FBP2: variants seen among roughly 807,000 people sequenced by gnomAD.
The protein encoded by FBP2 is fructose-1,6-bisphosphatase isozyme 2.
A neutral mutation model predicts 31.6 loss-of-function variants in FBP2; 27 were observed. The ratio of observed to expected loss-of-function variants is 0.85; its 90% CI spans 0.63 to 1.18. The LOEUF (loss-of-function observed/expected upper bound fraction) is 1.18. FBP2 is among the 50% of genes most tolerant of loss of function. The pLI is 0.00. For missense variants in FBP2, 421 were observed against 436.1 expected (o/e 0.97, Z 0.31); for synonymous variants, 168 against 179.8 (o/e 0.93, Z 0.53).
intron 1 of FBP2, among the ~76,000 whole-genome samples, chr9:94,590,438 G>T (rs1159039163): frequency 2.0e-5 from 2 of 100,794 alleles, no homozygotes; most frequent in African/African-American, 8.6e-5. Flanking sequence ...GGAGCCAGGG[G>T]CTTGCGGTCC....
At chr9:94,562,665 C>G (rs1242940326) in intron 6 of FBP2, among the ~76,000 whole-genome samples, 1 of 152,098 alleles carries the variant, frequency 6.6e-6, no homozygotes, top group Non-Finnish European at 1.5e-5. Flanking sequence ...GACTACTTAC[C>G]TACGATTTCT....
intron 4 of FBP2, 57 bp from the exon 5 acceptor site, chr9:94,567,464 C>A: frequency 1.9e-6 from 3 of 1,598,014 alleles, no homozygotes. Context: ...ACAAGCCAAC[C>A]GCACAATCCC....
chr9:94,590,314 C>T (rs946389723), intron 1 of FBP2, among the ~76,000 whole-genome samples: 3 of 152,206 alleles, frequency 2.0e-5, no homozygotes, highest in African/African-American at 7.2e-5. Context: ...TCCAGGCGGG[C>T]ACTCCAGCCT....
intron 1 of FBP2, among the ~76,000 whole-genome samples, chr9:94,591,441 C>CGAGTGCG (rs1554748875): frequency 6.6e-6 from 1 of 152,212 alleles, no homozygotes; most frequent in Non-Finnish European, 1.5e-5. Context: ...GCTCGGAGTG[C>CGAGTGCG]GGGCCCGCCA....
chr9:94,587,283 G>A lies in FBP2; in HGVS notation c.333+24C>T, dbSNP rs199619147. 3.8e-6 allele frequency: 6 copies of A among 1,585,958 alleles called. No homozygotes were observed. The East Asian group carries it at 6.8e-5, about 18-fold the overall frequency. On this transcript the variant is annotated intron_variant, in intron 2 of 6. Transcript: ENST00000375337. ...TCAGTATCATCATCTACTGGCGAGC[G>A]GGCACCGCAGCCCCATGACGCACCC...
intron 1 of FBP2, among the ~76,000 whole-genome samples, chr9:94,590,307 A>G (rs112186555): frequency 0.062 from 9,496 of 152,286 alleles, 991 homozygotes; most frequent in African/African-American, 0.22. Context: ...GAGAGGCTCC[A>G]GGCGGGCACT....
At chr9:94,579,015 T>C (rs1406462487) in intron 3 of FBP2, among the ~76,000 whole-genome samples, 8 of 98,684 alleles carry the variant, frequency 8.1e-5, no homozygotes, top group East Asian at 3.6e-4. Context: ...CTTGCACCAC[T>C]GCACTCCAGC....
rs902829649 is a variant in FBP2 at position 94,586,024 on chromosome 9, G to A, written c.333+1283C>T. On this transcript the variant is annotated intron_variant, in intron 2 of 6. Transcript: ENST00000375337. ...ACCGGGATTGCAGGCGTGAGCCACC[G>A]CGCCCATCCTAGAAAGAAGAATTTT... is the stretch of plus-strand genomic sequence containing the variant. Among the ~76,000 whole-genome samples, 15 of 152,152 alleles carry A rather than the reference G, an allele frequency of 9.9e-5. 1 individual carries two copies. Among genetic ancestry groups the A allele is most frequent in the South Asian group, 4.2e-4 (2 of 4,818 alleles).
intron 6 of FBP2, among the ~76,000 whole-genome samples, chr9:94,561,226 G>A (rs1827094151): frequency 6.6e-6 from 1 of 152,080 alleles, no homozygotes. Context: ...AGTACCTAAT[G>A]CGCTTGTCTT....
rs866290314 is a variant in FBP2 at position 94,582,386 on chromosome 9, G to A, written c.426+2191C>T. Among the ~76,000 whole-genome samples, 83 of 129,030 alleles carry A rather than the reference G, an allele frequency of 6.4e-4. 1 individual carries two copies. In the Middle Eastern group the frequency reaches 0.016, roughly 25 times the overall value. The allele number at this position is 129,030 out of a possible 152,430, so 84.6% of individuals were successfully genotyped here. ...TGTGTGTGTGTGTGTGTGTGTGTGT[G>A]TATAGTTTGTTTGTTTTGAGAGGGA... On this transcript the variant is annotated intron_variant, in intron 3 of 6. Coordinates refer to ENST00000375337, the MANE Select transcript of FBP2 (RefSeq NM_003837.4).
chr9:94,569,163 T>C (rs1206229045), intron 4 of FBP2: 1 of 152,234 alleles, frequency 6.6e-6, no homozygotes, highest in Non-Finnish European at 1.5e-5. Flanking sequence ...TCTGGGCCTC[T>C]TGTAGGCCAA....
intron 1 of FBP2, among the ~76,000 whole-genome samples, chr9:94,590,707 C>A (rs1366249921): frequency 1.3e-5 from 2 of 152,202 alleles, no homozygotes; most frequent in African/African-American, 4.8e-5. Context: ...AAAGCCTCCA[C>A]AGTGTGGAAA....
chr9:94,589,839 C>T (rs1165069319), intron 1 of FBP2, among the ~76,000 whole-genome samples: 1 of 151,756 alleles, frequency 6.6e-6, no homozygotes, highest in African/African-American at 2.4e-5. Flanking sequence ...ACCCCAAAGA[C>T]TGTGCCTCCT....
chr9:94,589,905 T>C (rs1402422055), intron 1 of FBP2, among the ~76,000 whole-genome samples: 1 of 152,180 alleles, frequency 6.6e-6, no homozygotes, highest in South Asian at 2.1e-4. Flanking sequence ...TGACTGCATC[T>C]GAGTTTCAGG....
intron 3 of FBP2, among the ~76,000 whole-genome samples, chr9:94,573,816 C>G (rs1390654061): frequency 6.6e-6 from 1 of 152,140 alleles, no homozygotes; most frequent in Non-Finnish European, 1.5e-5. Flanking sequence ...GTTTTTGTAT[C>G]AGGATAACAC....
chr9:94,572,955 A>G (rs939093667), intron 3 of FBP2: 30 of 152,098 alleles, frequency 2.0e-4, no homozygotes, highest in African/African-American at 6.3e-4. Context: ...TAGTTCTAGA[A>G]GTGTTTTGGT....
intron 6 of FBP2, among the ~76,000 whole-genome samples, chr9:94,561,669 C>T (rs2131440407): frequency 6.6e-6 from 1 of 151,902 alleles, no homozygotes; most frequent in South Asian, 2.1e-4. Context: ...CCAGCCATGA[C>T]CTGTACTTTC....
intron 3 of FBP2, among the ~76,000 whole-genome samples, chr9:94,580,359 T>C (rs1305907473): frequency 6.6e-6 from 1 of 152,178 alleles, no homozygotes; most frequent in East Asian, 1.9e-4. Flanking sequence ...GCCTCTCAAG[T>C]GGCTGGTCCA....
At chr9:94,562,962 T>C (rs1827131247) in intron 6 of FBP2, among the ~76,000 whole-genome samples, 1 of 152,206 alleles carries the variant, frequency 6.6e-6, no homozygotes, top group Non-Finnish European at 1.5e-5. Flanking sequence ...GCATTTGTTC[T>C]GGGAAGTGTG....
Sources: allele counts gnomAD v4.1 joint callset (sites outside exome capture counted in the v4.1 genomes callset), GRCh38; gene constraint gnomAD v4.1.1; transcripts MANE v1.5; gene names NCBI Gene and HGNC (gene_info 2026-07-23, HGNC 2026-07-21).